Variants in DLG2 observed in about 807,000 individuals in gnomAD.
The protein encoded by DLG2 is discs large MAGUK scaffold protein 2, also known as disks large homolog 2.
In DLG2, 45 loss-of-function variants were observed where a neutral mutation model predicts 132.5. That is an observed-to-expected ratio of 0.34 (90% CI 0.27 to 0.44). The LOEUF (loss-of-function observed/expected upper bound fraction) is 0.44. DLG2 is among the 20% of genes least tolerant of loss of function. The pLI, the probability that DLG2 is intolerant of heterozygous loss-of-function variation, is 1.00. For missense variants in DLG2, 1,045 were observed against 1,196.9 expected, an observed-to-expected ratio of 0.87 and a Z score of 1.87; for synonymous variants, 424 against 419.6, an observed-to-expected ratio of 1.01 and a Z score of -0.13.
At chr11:85,356,518 CCT>C (rs2083704086) in intron 3 of DLG2, among the ~76,000 whole-genome samples, 1 of 152,060 alleles carries the variant, frequency 6.6e-6, no homozygotes, top group African/African-American at 2.4e-5. Context: ...CTGGTATAGA[CCT>C]ATTATAGTGA....
intron 3 of DLG2, among the ~76,000 whole-genome samples, chr11:85,409,996 TG>T (rs1466052260): frequency 6.6e-6 from 1 of 151,926 alleles, no homozygotes; most frequent in African/African-American, 2.4e-5. Context: ...TAGGTAGGGA[TG>T]TTTACAGTGG....
chr11:84,165,970 G>A lies in DLG2; in HGVS notation c.574-2459C>T, dbSNP rs572724506. ...GTCTACAACAAGCTTTCGTGAACTC[G>A]TAGAAGCATGAAGGATTTTTAGCAT... On this transcript the variant is annotated intron_variant, in intron 8 of 27. Transcript: ENST00000376104. Among the ~76,000 whole-genome samples the A allele has an allele frequency of 1.6e-4, 24 of 152,192 alleles. No homozygotes were observed. The East Asian group carries it at 3.7e-3, about 23-fold the overall frequency.
intron 6 of DLG2, among the ~76,000 whole-genome samples, chr11:84,947,108 G>C (rs2050316482): frequency 6.6e-6 from 1 of 152,214 alleles, no homozygotes; most frequent in Non-Finnish European, 1.5e-5. Flanking sequence ...ATGGGTGAGG[G>C]ATGATGTTGG....
intron 7 of DLG2, among the ~76,000 whole-genome samples, chr11:84,406,089 T>C (rs1297613620): frequency 6.6e-6 from 1 of 152,140 alleles, no homozygotes; most frequent in African/African-American, 2.4e-5. Flanking sequence ...ACTCTAGTGC[T>C]ACCTGAAGTC....
chr11:85,226,191 AATAAT>A, intron 4 of DLG2, among the ~76,000 whole-genome samples: 1 of 150,970 alleles, frequency 6.6e-6, no homozygotes, highest in East Asian at 1.9e-4. Flanking sequence ...ATTCTAATAT[AATAAT>A]ATAATTGTTA....
chr11:83,930,486 G>A lies in DLG2; in HGVS notation c.1341-3C>T. The A allele has an allele frequency of 6.2e-7, 1 of 1,613,336 alleles. No individual in the cohort carries two copies. On this transcript the variant is annotated splice_polypyrimidine_tract_variant and splice_region_variant and intron_variant, in intron 14 of 27. Coordinates refer to ENST00000376104, the MANE Select transcript of DLG2 (RefSeq NM_001142699.3). ...TGCTGTAAACAGGTTCCGGAGGCCT[G>A]GTGATACAAGAGGAAGAGAAAGATA...
chr11:83,825,762 G>C (rs1245963787), intron 17 of DLG2, among the ~76,000 whole-genome samples: 2 of 152,172 alleles, frequency 1.3e-5, no homozygotes, highest in Non-Finnish European at 2.9e-5. Flanking sequence ...CTTGTGTGTG[G>C]TTTGTTAGTA....
At position 84,861,637 on chromosome 11, in the gene DLG2, AAAC is replaced by A. The variant is rs1192251184; in HGVS notation, c.357+250021_357+250023del. ...ACACAGCAAAAAAAAAAAAAAAAAA[AAAC>A]AAAAAAAAAAACCTATCAGAGGGAA... On this transcript the variant is annotated intron_variant, in intron 6 of 27. Coordinates refer to ENST00000376104, the MANE Select transcript of DLG2 (RefSeq NM_001142699.3). Among the ~76,000 whole-genome samples the A allele has an allele frequency of 5.6e-3, 392 of 69,438 alleles. 56 individuals carry two copies. Among genetic ancestry groups the A allele is most frequent in the African/African-American group, 0.011 (185 of 17,040 alleles). The allele number at this position is 69,438 out of a possible 152,430, so 45.6% of individuals were successfully genotyped here.
intron 6 of DLG2, among the ~76,000 whole-genome samples, chr11:84,605,373 T>C (rs958474439): frequency 2.0e-5 from 3 of 151,954 alleles, no homozygotes; most frequent in Admixed American, 6.6e-5. Flanking sequence ...TACCAAGTTA[T>C]AGTCTCATAA....
intron 6 of DLG2, among the ~76,000 whole-genome samples, chr11:84,561,044 T>C (rs1298337143): frequency 6.6e-6 from 1 of 152,050 alleles, no homozygotes; most frequent in African/African-American, 2.4e-5. Flanking sequence ...AATGCATAAG[T>C]GACTACTGAC....
chr11:84,756,019 C>A (rs1293686226), intron 6 of DLG2, among the ~76,000 whole-genome samples: 1 of 152,014 alleles, frequency 6.6e-6, no homozygotes, highest in Non-Finnish European at 1.5e-5. Context: ...TTATAAAATT[C>A]ATTAGGAAAC....
intron 18 of DLG2, among the ~76,000 whole-genome samples, chr11:83,686,918 A>G (rs1159555900): frequency 6.6e-6 from 1 of 152,164 alleles, no homozygotes; most frequent in Non-Finnish European, 1.5e-5. Context: ...GAATTGTTGC[A>G]GATGTTATTA....
chr11:85,068,753 T>A (rs1224346336), intron 6 of DLG2, among the ~76,000 whole-genome samples: 1 of 152,026 alleles, frequency 6.6e-6, no homozygotes, highest in Non-Finnish European at 1.5e-5. Context: ...TTCAATGCCA[T>A]CCCCATCAAG....
At chr11:84,803,203 T>C (rs2075624149) in intron 6 of DLG2, among the ~76,000 whole-genome samples, 2 of 152,176 alleles carry the variant, frequency 1.3e-5, no homozygotes, top group African/African-American at 4.8e-5. Flanking sequence ...GTAGAATATA[T>C]TGTAGATGCT....
chr11:84,952,303 T>C (rs2051036914), intron 6 of DLG2, among the ~76,000 whole-genome samples: 2 of 152,074 alleles, frequency 1.3e-5, no homozygotes, highest in Admixed American at 1.3e-4. Context: ...CCCAGCACTT[T>C]GGGAGGCCGA....
chr11:85,245,760 G>A (rs2076102568), intron 4 of DLG2, among the ~76,000 whole-genome samples: 3 of 151,754 alleles, frequency 2.0e-5, no homozygotes, highest in Admixed American at 1.3e-4. Context: ...TCCCTCTCTG[G>A]CTTTACCTGC....
chr11:84,684,247 T>C (rs559075294), intron 6 of DLG2, among the ~76,000 whole-genome samples: 1 of 152,298 alleles, frequency 6.6e-6, no homozygotes, highest in South Asian at 2.1e-4. Flanking sequence ...CTGTGGCATT[T>C]AGAAGGTATA....
At chr11:84,306,886 T>C (rs1341960516) in intron 7 of DLG2, among the ~76,000 whole-genome samples, 1 of 152,170 alleles carries the variant, frequency 6.6e-6, no homozygotes, top group Admixed American at 6.5e-5. Flanking sequence ...GTTTATACAC[T>C]TCAGTGAGAG....
chr11:84,674,399 TA>T, intron 6 of DLG2, among the ~76,000 whole-genome samples: 1 of 152,200 alleles, frequency 6.6e-6, no homozygotes, highest in South Asian at 2.1e-4. Flanking sequence ...ATTAAATAAG[TA>T]TTTATTGAGC....
Sources: allele counts gnomAD v4.1 joint callset (sites outside exome capture counted in the v4.1 genomes callset), GRCh38; gene constraint gnomAD v4.1.1; transcripts MANE v1.5; gene names NCBI Gene and HGNC (gene_info 2026-07-23, HGNC 2026-07-21).